CTNNA3: variants seen among roughly 807,000 people sequenced by gnomAD.
CTNNA3 encodes the protein catenin alpha 3, also known as catenin alpha-3.
Under a neutral mutation model 95.7 loss-of-function variants are expected in CTNNA3, and 76 were observed. That is an observed-to-expected ratio of 0.79 (90% CI 0.66 to 0.96). The LOEUF (loss-of-function observed/expected upper bound fraction) is 0.96. Among genes scored for constraint, CTNNA3 ranks in the 40% least tolerant of loss-of-function variants. The probability of loss-of-function intolerance (pLI) is 0.00; values close to 1 mark genes in which losing one functional copy is unlikely to be tolerated. For missense variants in CTNNA3, 1,191 were observed against 1,089.8 expected (o/e 1.09, Z -1.31); for synonymous variants, 431 against 374.4 (o/e 1.15, Z -1.74).
chr10:67,444,968 T>C (rs1254909519), intron 5 of CTNNA3, among the ~76,000 whole-genome samples: 3 of 151,824 alleles, frequency 2.0e-5, no homozygotes, highest in Non-Finnish European at 2.9e-5. Flanking sequence ...ATCAAACATT[T>C]AAAGAAGAAC....
chr10:66,610,052 C>T (rs1048090970), intron 10 of CTNNA3, among the ~76,000 whole-genome samples: 4 of 152,022 alleles, frequency 2.6e-5, no homozygotes, highest in Non-Finnish European at 5.9e-5. Context: ...AAATGAGGAA[C>T]ACAGATGGAC....
intron 5 of CTNNA3, among the ~76,000 whole-genome samples, chr10:67,263,013 G>T (rs1304812305): frequency 6.6e-6 from 1 of 152,170 alleles, no homozygotes; most frequent in East Asian, 1.9e-4. Context: ...GAACTAGTTA[G>T]TAGGGAGAAG....
intron 15 of CTNNA3, among the ~76,000 whole-genome samples, chr10:66,068,306 A>C (rs1408377874): frequency 6.6e-6 from 1 of 152,092 alleles, no homozygotes; most frequent in South Asian, 2.1e-4. Flanking sequence ...AAATGGGATC[A>C]AATTTTTGTT....
chr10:67,507,618 C>A (rs1305139297), intron 5 of CTNNA3, among the ~76,000 whole-genome samples: 1 of 151,594 alleles, frequency 6.6e-6, no homozygotes, highest in East Asian at 1.9e-4. Flanking sequence ...AAGCCCAGGA[C>A]CTGATGACTT....
At chr10:67,678,842 A>C (rs548133423) in intron 1 of CTNNA3, among the ~76,000 whole-genome samples, 1 of 152,308 alleles carries the variant, frequency 6.6e-6, no homozygotes, top group South Asian at 2.1e-4. Context: ...TCTATTAGAA[A>C]AGTAGTGTAA....
chr10:66,861,633 A>T (rs1843932148), intron 7 of CTNNA3, among the ~76,000 whole-genome samples: 1 of 152,214 alleles, frequency 6.6e-6, no homozygotes, highest in Non-Finnish European at 1.5e-5. Flanking sequence ...ATAATCATAC[A>T]ACCCTACAAT....
chr10:67,520,005 TAG>T (rs1340032909), intron 5 of CTNNA3, among the ~76,000 whole-genome samples: 1 of 152,162 alleles, frequency 6.6e-6, no homozygotes, highest in African/African-American at 2.4e-5. Context: ...AGACTTGATT[TAG>T]ATTTGAAGCC....
chr10:66,911,456 T>C (rs1345481855), intron 7 of CTNNA3, among the ~76,000 whole-genome samples: 1 of 152,210 alleles, frequency 6.6e-6, no homozygotes, highest in Admixed American at 6.5e-5. Context: ...AGATTTTAAG[T>C]CCTAGTGGTC....
intron 11 of CTNNA3, among the ~76,000 whole-genome samples, chr10:66,410,210 A>G (rs1361356944): frequency 6.6e-6 from 1 of 152,194 alleles, no homozygotes; most frequent in Non-Finnish European, 1.5e-5. Context: ...AAAAGATAAA[A>G]AAGATCAGCC....
intron 3 of CTNNA3, among the ~76,000 whole-genome samples, chr10:67,569,166 A>G (rs1288103446): frequency 6.6e-6 from 1 of 152,190 alleles, no homozygotes; most frequent in African/African-American, 2.4e-5. Flanking sequence ...AACGTTCAAC[A>G]TGGTATTCCA....
At chr10:67,286,985 C>T (rs1839629522) in intron 5 of CTNNA3, among the ~76,000 whole-genome samples, 1 of 152,138 alleles carries the variant, frequency 6.6e-6, no homozygotes, top group Non-Finnish European at 1.5e-5. Context: ...GGCGCTTCCT[C>T]TGAAATCCCC....
chr10:67,060,750 C>T (rs908123360), intron 7 of CTNNA3, among the ~76,000 whole-genome samples: 1 of 152,278 alleles, frequency 6.6e-6, no homozygotes, highest in South Asian at 2.1e-4. Context: ...AACTGTGGTG[C>T]CTCTGTCAGC....
chr10:67,566,056 T>C (rs1009594684), intron 3 of CTNNA3, among the ~76,000 whole-genome samples: 1 of 86,832 alleles, frequency 1.2e-5, no homozygotes, highest in East Asian at 5.2e-4. Context: ...TATATATATA[T>C]ATATATATAT....
At chr10:67,617,609 G>A (rs937077979) in intron 2 of CTNNA3, among the ~76,000 whole-genome samples, 1 of 152,026 alleles carries the variant, frequency 6.6e-6, no homozygotes, top group Non-Finnish European at 1.5e-5. Context: ...ATATTACTCT[G>A]GGTATATATC....
rs533900202 is a variant in CTNNA3 at position 67,208,341 on chromosome 10, T to C, written c.843+11266A>G. 2.4e-4 allele frequency among the ~76,000 whole-genome samples: 34 copies of C among 140,470 alleles called. No homozygotes were observed. The East Asian group carries it at 6.8e-3, about 28-fold the overall frequency. 92.2% of individuals were successfully genotyped at this position (140,470 alleles called of 152,430 possible). A position where few individuals can be genotyped will look rare whatever the true frequency, so the allele number is the denominator to read the frequency against. On this transcript the variant is annotated intron_variant, in intron 6 of 17. Coordinates refer to ENST00000433211, the MANE Select transcript of CTNNA3 (RefSeq NM_013266.4). Reference sequence around the variant, plus strand: ...TTGCAGTGAGCCGAGATCGTGCCACTGCACTCCAGCCTGGGTGACAGAGCA... The same window carrying C: ...TTGCAGTGAGCCGAGATCGTGCCACCGCACTCCAGCCTGGGTGACAGAGCA...
chr10:66,636,583 C>A (rs898070316), intron 9 of CTNNA3, among the ~76,000 whole-genome samples: 1 of 152,072 alleles, frequency 6.6e-6, no homozygotes, highest in African/African-American at 2.4e-5. Context: ...CCATCTTACT[C>A]CTCTTTTTGG....
chr10:66,186,016 GGA>G (rs2086324730), intron 13 of CTNNA3, among the ~76,000 whole-genome samples: 1 of 151,554 alleles, frequency 6.6e-6, no homozygotes, highest in Non-Finnish European at 1.5e-5. Context: ...TATGTTCAAT[GGA>G]TACAAAGTTA....
intron 10 of CTNNA3, among the ~76,000 whole-genome samples, chr10:66,527,015 C>T (rs2631203): frequency 0.55 from 83,338 of 151,754 alleles, 23,798 homozygotes; most frequent in Middle Eastern, 0.72. Flanking sequence ...TCTGATGTCA[C>T]GAAGTGTCAC....
rs2092578579 is a variant in CTNNA3 at position 66,352,974 on chromosome 10, C to G, written c.1732+26178G>C. Among the ~76,000 whole-genome samples the G allele has an allele frequency of 2.6e-5, 4 of 151,954 alleles. No homozygotes were observed. In the South Asian group the frequency reaches 8.3e-4, roughly 32 times the overall value. ...CAAAAATGAAGCAAGTTTTATTTCT[C>G]AAGCTGAGCCATAGGTAAATGGGTG... is the stretch of plus-strand genomic sequence containing the variant. On this transcript the variant is annotated intron_variant, in intron 12 of 17. Transcript: ENST00000433211.
Sources: gnomAD v4.1 joint callset for allele counts (sites outside exome capture counted in the v4.1 genomes callset) on GRCh38, gnomAD v4.1.1 for gene constraint, MANE v1.5 for transcripts, NCBI Gene and HGNC (gene_info 2026-07-23, HGNC 2026-07-21) for gene names.